MUC3A: variants seen among roughly 807,000 people sequenced by gnomAD.
The protein encoded by MUC3A is mucin 3A, cell surface associated.
Under a neutral mutation model 109.0 loss-of-function variants are expected in MUC3A, and 109 were observed. The observed-to-expected ratio is 1.00, with a 90% CI of 0.86 to 1.17. The LOEUF (loss-of-function observed/expected upper bound fraction) is 1.17. Among genes scored for constraint, MUC3A ranks in the 50% most tolerant of loss-of-function variants. MUC3A has a pLI of 0.00. For missense variants in MUC3A, 3,537 were observed against 2,469.4 expected, an observed-to-expected ratio of 1.43 and a Z score of -9.16; for synonymous variants, 1,398 against 981.4, an observed-to-expected ratio of 1.42 and a Z score of -7.93.
At position 100,960,424 on chromosome 7, in the gene MUC3A, C is replaced by T. The variant is rs748088033; in HGVS notation, c.8645C>T (p.Pro2882Leu). 2 of 1,598,576 alleles carry T rather than the reference C, an allele frequency of 1.3e-6. No individual in the cohort carries two copies. Among genetic ancestry groups the T allele is most frequent in the Non-Finnish European group, 1.7e-6 (2 of 1,179,820 alleles). The change falls in exon 2 of 12, where the codon CCT (proline) becomes CTT (leucine). Residue 2882 changes from proline to leucine, a missense_variant. Pro to Leu is a moderately conservative substitution (Grantham distance 98). Transcript: ENST00000379458. ...WLSNSSVIPL[P>L]LPGVSTIPLT... ...AGCAACAGTTCTGTGATCCCCCTAC[C>T]TCTTCCTGGCGTCTCTACCATCCCG...
chr7:100,958,667 C>A lies in MUC3A; in HGVS notation c.6888C>A (p.Thr2296=). Residue 2296 remains threonine, a synonymous_variant, in exon 2 of 12, where the codon ACC becomes ACA. Transcript: ENST00000379458. ...STPSSTSLIT[T]TKTTSHSTPS... ...CCAGCTCCACTTCTTTAATCACCAC[C>A]ACCAAGACCACCTCACACAGTACTC... 1.3e-6 allele frequency: 2 copies of A among 1,532,898 alleles called. No homozygotes were observed. Among genetic ancestry groups the A allele is most frequent in the Middle Eastern group, 1.7e-4 (1 of 5,822 alleles). The allele number at this position is 1,532,898 out of a possible 1,614,324, so 95.0% of individuals were successfully genotyped here.
rs1584804081 is a variant in MUC3A, at chr7:100,958,741, C to T, written c.6962C>T (p.Ala2321Val). The T allele has an allele frequency of 6.6e-7, 1 of 1,504,674 alleles. No individual in the cohort carries two copies. The highest frequency in any genetic ancestry group is 1.2e-5 in the South Asian group (1 of 85,878). 93.2% of individuals were successfully genotyped at this position (1,504,674 alleles called of 1,614,324 possible). A position where few individuals can be genotyped will look rare whatever the true frequency, so the allele number is the denominator to read the frequency against. The change falls in exon 2 of 12, where the codon GCT becomes GTT. Residue 2321 changes from alanine (A) to valine (V), a missense_variant. Transcript: ENST00000379458. ...ITTTETTSHS[A>V]HSFTSSITTT... The stretch of plus-strand genomic sequence containing the variant: ...ACCACGGAGACCACCTCACACAGTG[C>T]TCACAGCTTCACTTCTTCGATCACC...
Position 100,959,963 on chromosome 7 carries a change from A to C in MUC3A, c.8184A>C (p.Thr2728=). 1 of 1,509,374 alleles carries C rather than the reference A, an allele frequency of 6.6e-7. No homozygotes were observed. Among genetic ancestry groups the C allele is most frequent in the Non-Finnish European group, 8.8e-7 (1 of 1,140,204 alleles). The allele number at this position is 1,509,374 out of a possible 1,614,324, so 93.5% of individuals were successfully genotyped here. The change falls in exon 2 of 12, where the codon ACA becomes ACC. Residue 2728 remains threonine (T), a synonymous_variant. Coordinates refer to ENST00000379458, the MANE Select transcript of MUC3A (RefSeq NM_005960.2). ...AAAATGTGGGCTCCGCTTCTATCAC[A>C]GGCTTTCCTAGTCTCTCTTCCTCTG... The part of the protein sequence containing the change: ...STENVGSASI[T]GFPSLSSSAT...
chr7:100,959,343 CG>C lies in MUC3A; in HGVS notation c.7565del (p.Arg2522GlnfsTer30). The C allele has an allele frequency of 6.5e-7, 1 of 1,548,040 alleles. No homozygotes were observed. The highest frequency in any genetic ancestry group is 2.2e-5 in the East Asian group (1 of 44,592). On this transcript the variant is annotated frameshift_variant, in exon 2 of 12. Coordinates refer to ENST00000379458, the MANE Select transcript of MUC3A (RefSeq NM_005960.2). LOFTEE classifies it high-confidence loss of function. ...CACTGATATCAGTACCTTACCAACTCGAACACACATCATTTCATCTTCTCCC... is the reference window on the plus strand; with the variant it reads ...CACTGATATCAGTACCTTACCAACTCAACACACATCATTTCATCTTCTCCC... ...IPTDISTLPT[R>X]THIISSSPSI... is the part of the protein sequence containing the mutation.
At chr7:100,965,089 C>T (rs1303934948) in intron 6 of MUC3A, 193 bp from the exon 7 acceptor site, 1 of 1,149,638 alleles carries the variant, frequency 8.7e-7, no homozygotes, top group Non-Finnish European at 1.2e-6. Context: ...CTGAAGACCT[C>T]GGATTATTCA....
At chr7:100,962,835 T>TCATCTTCAGACAATGCTTTCTCCCTTTC (rs1584809605) in intron 3 of MUC3A, among the ~76,000 whole-genome samples, 13 of 6,096 alleles carry the variant, frequency 2.1e-3, no homozygotes, top group South Asian at 8.7e-3. Flanking sequence ...CTTTCTTTCT[T>TCATCTTCAGACAATGCTTTCTCCCTTTC]TTTCTCTCTC....
chr7:100,963,155 AG>A lies in MUC3A; in HGVS notation c.9058del (p.Val3020TrpfsTer58). Reference sequence around the variant, plus strand: ...GGACATGCATGCTCTGTGTAGATGTAGTGGAGACCGAGGTGGGCATGGAAGT... The same window carrying A: ...GGACATGCATGCTCTGTGTAGATGTATGGAGACCGAGGTGGGCATGGAAGT... ...FAVEQVDLDV[V>X]ETEVGMEVSV... On this transcript the variant is annotated frameshift_variant, in exon 4 of 12. Coordinates refer to ENST00000379458, the MANE Select transcript of MUC3A (RefSeq NM_005960.2). LOFTEE classifies it high-confidence loss of function. The A allele has an allele frequency of 6.3e-7, 1 of 1,598,188 alleles. No individual in the cohort carries two copies. The highest frequency in any genetic ancestry group is 1.1e-5 in the South Asian group (1 of 90,924).
Position 100,955,609 on chromosome 7 carries a change from T to G in MUC3A, c.3830T>G (p.Leu1277Arg). 1 of 432,914 alleles carries G rather than the reference T, an allele frequency of 2.3e-6. No homozygotes were observed. Among genetic ancestry groups the G allele is most frequent in the Non-Finnish European group, 3.9e-6 (1 of 253,276 alleles). 26.8% of individuals were successfully genotyped at this position (432,914 alleles called of 1,614,324 possible). A position where few individuals can be genotyped will look rare whatever the true frequency, so the allele number is the denominator to read the frequency against. ...ACTGACAGCACTCTAACAAGTTCCC[T>G]CCTGACGACCTTCCCAAGTACATAT... ...TSTDSTLTSS[L>R]LTTFPSTYSF... Residue 1277 changes from leucine (L) to arginine (R), a missense_variant, in exon 2 of 12, where the codon CTC becomes CGC. Coordinates refer to ENST00000379458, the MANE Select transcript of MUC3A (RefSeq NM_005960.2).
At chr7:100,966,196 C>G (rs1792541910) in intron 8 of MUC3A, 190 bp from the exon 9 acceptor site, 2 of 596,900 alleles carry the variant, frequency 3.4e-6, no homozygotes, top group African/African-American at 1.9e-5. Context: ...AGGTGGAATC[C>G]CGCCCCCTCA....
intron 3 of MUC3A, 111 bp downstream of exon 3, chr7:100,961,048 C>T (rs961355373): frequency 3.8e-6 from 6 of 1,558,676 alleles, no homozygotes; most frequent in South Asian, 2.3e-5. Flanking sequence ...TTTGCCCGGT[C>T]CTTCCCTCCC....
rs1792203042 is a variant in MUC3A, at chr7:100,958,966, T to TCAC, written c.7196_7198dup (p.Thr2399dup). 6.8e-7 allele frequency: 1 copy of TCAC among 1,479,970 alleles called. No individual in the cohort carries two copies. Among genetic ancestry groups the TCAC allele is most frequent in the Non-Finnish European group, 8.9e-7 (1 of 1,123,962 alleles). The allele number at this position is 1,479,970 out of a possible 1,614,324, so 91.7% of individuals were successfully genotyped here. On this transcript the variant is annotated inframe_insertion, in exon 2 of 12. Coordinates refer to ENST00000379458, the MANE Select transcript of MUC3A (RefSeq NM_005960.2). ...AGTACTCCTGGCCTCACTTCGTGGG[T>TCAC]CACCACCACCAAGACCACCTCACAC...
chr7:100,956,092 A>G lies in MUC3A; in HGVS notation c.4313A>G (p.Asn1438Ser). The change falls in exon 2 of 12, where the codon AAC becomes AGC. Residue 1438 changes from asparagine to serine, a missense_variant. Asn to Ser is a conservative substitution (Grantham distance 46). Transcript: ENST00000379458. ...GAGGTGACCACCAGTCATACCACAAACACCAATCCTGTATCCACGTTGGTG... is the reference window on the plus strand; with the variant it reads ...GAGGTGACCACCAGTCATACCACAAGCACCAATCCTGTATCCACGTTGGTG... The part of the protein sequence containing the change: ...STEVTTSHTT[N>S]TNPVSTLVTT... The G allele has an allele frequency of 2.4e-6, 1 of 423,654 alleles. No individual in the cohort carries two copies. The highest frequency in any genetic ancestry group is 4.1e-6 in the Non-Finnish European group (1 of 242,170). The allele number at this position is 423,654 out of a possible 1,614,324, so 26.2% of individuals were successfully genotyped here. A position where few individuals can be genotyped will look rare whatever the true frequency, so the allele number is the denominator to read the frequency against.
chr7:100,950,302 G>A (rs1791898346), intron 1 of MUC3A, among the ~76,000 whole-genome samples: 2 of 152,422 alleles, frequency 1.3e-5, no homozygotes, highest in Non-Finnish European at 1.5e-5. Context: ...TTCCAAGGGT[G>A]CGTCTGAGAC....
rs1260115125 is a variant in MUC3A, at chr7:100,959,737, CAT to C, written c.7959_7960del (p.Ser2654TyrfsTer3). The C allele has an allele frequency of 6.3e-7, 1 of 1,598,390 alleles. No individual in the cohort carries two copies. Among genetic ancestry groups the C allele is most frequent in the African/African-American group, 1.3e-5 (1 of 74,962 alleles). On this transcript the variant is annotated frameshift_variant, in exon 2 of 12. Coordinates refer to ENST00000379458, the MANE Select transcript of MUC3A (RefSeq NM_005960.2). LOFTEE classifies it high-confidence loss of function. ...ACTCCCTCATTGCAAACTTCACTCA[CAT>C]CTACAAGTGAGTTCACTACAGAATC...
intron 3 of MUC3A, among the ~76,000 whole-genome samples, chr7:100,962,160 A>C (rs1792349331): frequency 1.1e-5 from 1 of 89,648 alleles, no homozygotes; most frequent in Non-Finnish European, 2.4e-5. Flanking sequence ...TGAACCCGGG[A>C]GGCGGAGCTT....
In MUC3A at chr7:100,959,547, AC is replaced by A; in HGVS notation, c.7771del (p.Gln2591LysfsTer30). 1 of 1,591,048 alleles carries A rather than the reference AC, an allele frequency of 6.3e-7. No individual in the cohort carries two copies. Among genetic ancestry groups the A allele is most frequent in the Non-Finnish European group, 8.5e-7 (1 of 1,176,330 alleles). On this transcript the variant is annotated frameshift_variant, in exon 2 of 12. Coordinates refer to ENST00000379458, the MANE Select transcript of MUC3A (RefSeq NM_005960.2). LOFTEE classifies it high-confidence loss of function. ...TCCTGTACTGACGTCAGCCACTGGG[AC>A]CCAAACATCTCCTGCACCTACTACT... ...TPPVLTSATG[T>X]QTSPAPTTVT... is the part of the protein sequence containing the mutation.
chr7:100,954,953 T>G lies in MUC3A; in HGVS notation c.3174T>G (p.His1058Gln). The G allele has an allele frequency of 2.1e-6, 1 of 483,836 alleles. No individual in the cohort carries two copies. The highest frequency in any genetic ancestry group is 3.1e-5 in the South Asian group (1 of 32,650). 30.0% of individuals were successfully genotyped at this position (483,836 alleles called of 1,614,324 possible). A position where few individuals can be genotyped will look rare whatever the true frequency, so the allele number is the denominator to read the frequency against. The change falls in exon 2 of 12, where the codon CAT becomes CAG. Residue 1058 changes from histidine (H) to glutamine (Q), a missense_variant. His to Gln is a conservative substitution (Grantham distance 24). Coordinates refer to ENST00000379458, the MANE Select transcript of MUC3A (RefSeq NM_005960.2). ...CAAGCACAGAAATGATCACCAGTCATACCACAAACACCACCCCTCTATCCA... is the reference window on the plus strand; with the variant it reads ...CAAGCACAGAAATGATCACCAGTCAGACCACAAACACCACCCCTCTATCCA... ...PVPSTEMITS[H>Q]TTNTTPLSTL...
At position 100,959,592 on chromosome 7, in the gene MUC3A, G is replaced by C. The variant is rs762338382; in HGVS notation, c.7813G>C (p.Asp2605His). The C allele has an allele frequency of 2.2e-4, 353 of 1,596,574 alleles. No individual in the cohort carries two copies. In the African/African-American group the frequency reaches 4.5e-3, roughly 21 times the overall value. ...TACTACTGTCACCTTTGGAAGTACG[G>C]ATTCCTCCACGTCCACTCTTCATAC... ...APTTVTFGST[D>H]SSTSTLHTLT... is the part of the protein sequence containing the mutation. The change falls in exon 2 of 12, where the codon GAT becomes CAT. Residue 2605 changes from aspartate to histidine, a missense_variant. Physicochemically the swap from Asp to His is moderately conservative, Grantham distance 81 (BLOSUM62 -1). Transcript: ENST00000379458.
At chr7:100,966,246 C>CTA in intron 8 of MUC3A, 140 bp from the exon 9 acceptor site, 1 of 604,532 alleles carries the variant, frequency 1.7e-6, no homozygotes, top group Non-Finnish European at 2.3e-6. Flanking sequence ...AGGGTGGATT[C>CTA]CCAGCCCCTT....
Sources: gnomAD v4.1 joint callset for allele counts (sites outside exome capture counted in the v4.1 genomes callset) on GRCh38, gnomAD v4.1.1 for gene constraint, MANE v1.5 for transcripts, NCBI Gene and HGNC (gene_info 2026-07-23, HGNC 2026-07-21) for gene names.